The following FSTL5 variants were observed in gnomAD, a reference collection of about 807,000 sequenced individuals.
FSTL5 encodes the protein follistatin-related protein 5.
FSTL5 carries 62 observed loss-of-function variants against 89.1 expected under a neutral mutation model. The observed-to-expected ratio is 0.70, with a 90% CI of 0.57 to 0.86. FSTL5 has a LOEUF of 0.86. Ranked by LOEUF, FSTL5 falls within the 40% of genes least tolerant of loss-of-function variation. FSTL5 has a pLI of 0.00. For synonymous variants in FSTL5, 383 were observed against 346.2 expected, an observed-to-expected ratio of 1.11 and a Z score of -1.18; for missense variants, 1,057 against 1,001.6, an observed-to-expected ratio of 1.06 and a Z score of -0.75.
At chr4:161,623,722 T>C (rs892105839) in intron 7 of FSTL5, among the ~76,000 whole-genome samples, 4 of 151,958 alleles carry the variant, frequency 2.6e-5, no homozygotes, top group Non-Finnish European at 5.9e-5. Context: ...TGGCATGATA[T>C]GATACTTCAA....
At chr4:161,600,968 A>G (rs781547529) in intron 7 of FSTL5, among the ~76,000 whole-genome samples, 2 of 152,142 alleles carry the variant, frequency 1.3e-5, no homozygotes, top group African/African-American at 2.4e-5. Context: ...AGAAAGAGAC[A>G]AGACACCGGC....
Position 162,027,041 on chromosome 4 carries a change from T to C in FSTL5, c.160+6584A>G, listed in dbSNP as rs1006706363. Among the ~76,000 whole-genome samples, 7 of 152,148 alleles carry C rather than the reference T, an allele frequency of 4.6e-5. 1 individual carries two copies. Among genetic ancestry groups the C allele is most frequent in the Admixed American group, 4.6e-4 (7 of 15,264 alleles). ...GGGAGAGAAAGATTATGTGTTTGCA[T>C]AACATGAATTGAGCCCTTCTTAGAA... On this transcript the variant is annotated intron_variant, in intron 3 of 15. Transcript: ENST00000306100.
intron 11 of FSTL5, among the ~76,000 whole-genome samples, chr4:161,508,024 G>T (rs990050132): frequency 7.9e-5 from 12 of 151,836 alleles, no homozygotes; most frequent in Admixed American, 6.6e-5. Context: ...AAATAAAAGT[G>T]TATCTCAGAA....
At chr4:161,445,757 G>A (rs1157578102) in intron 15 of FSTL5, among the ~76,000 whole-genome samples, 1 of 151,792 alleles carries the variant, frequency 6.6e-6, no homozygotes, top group Admixed American at 6.6e-5. Flanking sequence ...TCCTTGTTAT[G>A]GTTCATTTTA....
At chr4:161,779,082 A>G (rs2126807142) in intron 4 of FSTL5, among the ~76,000 whole-genome samples, 1 of 152,320 alleles carries the variant, frequency 6.6e-6, no homozygotes, top group African/African-American at 2.4e-5. Context: ...GGAGTTAAAC[A>G]CTGAAAACCT....
intron 11 of FSTL5, 50 bp from the exon 12 acceptor site, chr4:161,500,184 CT>C: frequency 8.1e-7 from 1 of 1,237,440 alleles, no homozygotes; most frequent in Non-Finnish European, 1.1e-6. Flanking sequence ...TATCATAAAC[CT>C]TTACAACCAA....
rs1730564756 is a variant in FSTL5 at position 161,385,043 on chromosome 4, C to T, written c.*704G>A. 6.6e-6 allele frequency: 1 copy of T among 152,174 alleles called. No homozygotes were observed. Among genetic ancestry groups the T allele is most frequent in the South Asian group, 2.1e-4 (1 of 4,830 alleles). 9.4% of individuals were successfully genotyped at this position (152,174 alleles called of 1,614,324 possible). A position where few individuals can be genotyped will look rare whatever the true frequency, so the allele number is the denominator to read the frequency against. The stretch of plus-strand genomic sequence containing the variant: ...CTGTAATTATTTTTCCTCCCTTCCT[C>T]CCCACTTTCTATAGCATGCTGCAGA... On this transcript the variant is annotated 3_prime_UTR_variant, in exon 16 of 16. Transcript: ENST00000306100.
chr4:161,809,668 T>C (rs1015698703), intron 4 of FSTL5, among the ~76,000 whole-genome samples: 2 of 152,210 alleles, frequency 1.3e-5, no homozygotes, highest in African/African-American at 4.8e-5. Context: ...AAGAACATTC[T>C]GACATACGCT....
chr4:161,941,194 A>G (rs1734572031), intron 3 of FSTL5, among the ~76,000 whole-genome samples: 1 of 151,916 alleles, frequency 6.6e-6, no homozygotes, highest in African/African-American at 2.4e-5. Context: ...TGAAAACAGT[A>G]TACTATAAAC....
chr4:162,094,818 T>C (rs1423696365), intron 2 of FSTL5, among the ~76,000 whole-genome samples: 1 of 152,144 alleles, frequency 6.6e-6, no homozygotes, highest in Non-Finnish European at 1.5e-5. Context: ...GCACTGTAAG[T>C]ATATACAAAT....
intron 11 of FSTL5, among the ~76,000 whole-genome samples, chr4:161,504,273 C>A (rs1578883289): frequency 6.6e-6 from 1 of 151,830 alleles, no homozygotes; most frequent in South Asian, 2.1e-4. Flanking sequence ...CCCAACCAAA[C>A]ACAAAGTTCT....
intron 7 of FSTL5, among the ~76,000 whole-genome samples, chr4:161,619,916 A>G (rs1241744995): frequency 8.6e-5 from 13 of 152,032 alleles, no homozygotes; most frequent in African/African-American, 3.1e-4. Context: ...ACTATTCACA[A>G]TAGCAAAGAC....
intron 6 of FSTL5, among the ~76,000 whole-genome samples, chr4:161,756,913 T>C (rs1248774435): frequency 1.3e-5 from 2 of 152,318 alleles, no homozygotes; most frequent in East Asian, 3.9e-4. Context: ...TTGAAATTAT[T>C]TCCAAGCATG....
chr4:161,671,658 G>A (rs958885158), intron 6 of FSTL5, among the ~76,000 whole-genome samples: 3 of 151,784 alleles, frequency 2.0e-5, no homozygotes, highest in Non-Finnish European at 4.4e-5. Context: ...ATTTAGATAT[G>A]AGTGAGTTCA....
intron 12 of FSTL5, among the ~76,000 whole-genome samples, chr4:161,485,200 T>C (rs1729636327): frequency 6.6e-6 from 1 of 152,230 alleles, no homozygotes; most frequent in African/African-American, 2.4e-5. Flanking sequence ...GCTGATCCCA[T>C]GTTAGTGTAC....
At position 161,404,822 on chromosome 4, in the gene FSTL5, TA is replaced by T. The variant is rs564281044; in HGVS notation, c.1842-18374del. Among the ~76,000 whole-genome samples, 996 of 147,298 alleles carry T rather than the reference TA, an allele frequency of 6.8e-3. 11 individuals carry two copies. Among genetic ancestry groups the T allele is most frequent in the African/African-American group, 0.023 (932 of 39,966 alleles). On this transcript the variant is annotated intron_variant, in intron 15 of 15. Transcript: ENST00000306100. ...TTAAAACAAAAAGTTATGCAATATA[TA>T]AAAAAAAACTAGGAAAGTCGGACCA... is the stretch of plus-strand genomic sequence containing the variant.
intron 4 of FSTL5, among the ~76,000 whole-genome samples, chr4:161,833,344 A>C (rs950690894): frequency 1.2e-4 from 18 of 151,386 alleles, no homozygotes; most frequent in African/African-American, 4.4e-4. Flanking sequence ...GTGCTGAAAA[A>C]AATGTATATT....
chr4:161,616,850 G>A (rs1734891429), intron 7 of FSTL5, among the ~76,000 whole-genome samples: 1 of 150,412 alleles, frequency 6.6e-6, no homozygotes, highest in South Asian at 2.1e-4. Flanking sequence ...CAGGTACCCT[G>A]GAACTTAACA....
intron 10 of FSTL5, among the ~76,000 whole-genome samples, chr4:161,511,563 C>A (rs891981761): frequency 6.6e-6 from 1 of 151,992 alleles, no homozygotes; most frequent in Non-Finnish European, 1.5e-5. Context: ...AAGTTCTGAA[C>A]ATGTAATGTA....
Sources: allele counts gnomAD v4.1 joint callset (sites outside exome capture counted in the v4.1 genomes callset), GRCh38; gene constraint gnomAD v4.1.1; transcripts MANE v1.5; gene names NCBI Gene and HGNC (gene_info 2026-07-23, HGNC 2026-07-21).